The following CYP20A1 variants were observed in gnomAD, a reference collection of about 807,000 sequenced individuals.
CYP20A1 encodes cytochrome P450 20A1.
CYP20A1 carries 61 observed loss-of-function variants against 61.4 expected under a neutral mutation model. The ratio of observed to expected loss-of-function variants is 0.99; its 90% CI spans 0.81 to 1.23. The LOEUF (loss-of-function observed/expected upper bound fraction) is 1.23, where lower values mean the gene tolerates loss of function less well. Ranked by LOEUF, CYP20A1 falls within the 50% of genes most tolerant of loss-of-function variation. The probability of loss-of-function intolerance (pLI) is 0.00; values close to 1 mark genes in which losing one functional copy is unlikely to be tolerated. For missense variants in CYP20A1, 530 were observed against 542.4 expected, an observed-to-expected ratio of 0.98 and a Z score of 0.23; for synonymous variants, 193 against 188.2, an observed-to-expected ratio of 1.03 and a Z score of -0.21.
intron 1 of CYP20A1, among the ~76,000 whole-genome samples, chr2:203,239,460 A>C (rs1377209235): frequency 6.6e-6 from 1 of 152,108 alleles, no homozygotes; most frequent in Non-Finnish European, 1.5e-5. Flanking sequence ...GCTCTCAAGT[A>C]CTTTGGGCAG....
chr2:203,283,783 G>A (rs1477967631), intron 8 of CYP20A1, among the ~76,000 whole-genome samples: 1 of 151,804 alleles, frequency 6.6e-6, no homozygotes, highest in East Asian at 1.9e-4. Flanking sequence ...TCTTGACCTT[G>A]TGATCTGCCC....
chr2:203,280,096 G>A lies in CYP20A1; in HGVS notation c.833G>A (p.Cys278Tyr). The change falls in exon 8 of 13, where the codon TGC becomes TAC. Residue 278 changes from cysteine to tyrosine, a missense_variant. By Grantham distance (194) the Cys-to-Tyr change is radical. Coordinates refer to ENST00000356079, the MANE Select transcript of CYP20A1 (RefSeq NM_177538.3). ...EDSMIFSLAS[C>Y]IITAKLCTWA... ...AGTATGATATTTTCTCTGGCCAGTT[G>A]CATAATAACTGCAAAATGTAAGTAT... 1.9e-6 allele frequency: 3 copies of A among 1,606,110 alleles called. No individual in the cohort carries two copies. Among genetic ancestry groups the A allele is most frequent in the Non-Finnish European group, 1.7e-6 (2 of 1,176,576 alleles).
Position 203,272,086 on chromosome 2 carries a change from A to G in CYP20A1, c.601-584A>G, listed in dbSNP as rs76086847. Among the ~76,000 whole-genome samples the G allele has an allele frequency of 2.6e-5, 4 of 151,940 alleles. No individual in the cohort carries two copies. In the East Asian group the frequency reaches 7.7e-4, roughly 29 times the overall value. On this transcript the variant is annotated intron_variant, in intron 5 of 12. Transcript: ENST00000356079. ...CTGCTGTGTCCTTTTTCTTCTCCCT[A>G]CTCCTTTTAGAGAAAAGGAATTTTT... is the stretch of plus-strand genomic sequence containing the variant.
chr2:203,251,999 T>C lies in CYP20A1; in HGVS notation c.322T>C (p.Leu108=). The C allele has an allele frequency of 6.2e-7, 1 of 1,607,874 alleles. No individual in the cohort carries two copies. Among genetic ancestry groups the C allele is most frequent in the Non-Finnish European group, 8.5e-7 (1 of 1,176,664 alleles). The change falls in exon 4 of 13, where the codon TTA becomes CTA. Residue 108 remains leucine, a synonymous_variant. Coordinates refer to ENST00000356079, the MANE Select transcript of CYP20A1 (RefSeq NM_177538.3). ...DPFETMLKSL[L]RYQSGGGSVS... ...TTTTGAAACCATGCTGAAGTCATTA[T>C]TAAGGTATCAATCTGGTGGTGGCAG...
At chr2:203,295,930 A>T (rs953063926) in intron 11 of CYP20A1, among the ~76,000 whole-genome samples, 1 of 152,044 alleles carries the variant, frequency 6.6e-6, no homozygotes, top group Non-Finnish European at 1.5e-5. Context: ...GCCTGGTGAC[A>T]GAACAAGACT....
At chr2:203,247,163 A>C (rs548328476) in intron 3 of CYP20A1, among the ~76,000 whole-genome samples, 8 of 152,206 alleles carry the variant, frequency 5.3e-5, no homozygotes, top group East Asian at 3.9e-4. Context: ...TGGGAAGCTG[A>C]GGCATGAGAA....
Position 203,301,926 on chromosome 2 carries a change from T to G in CYP20A1, c.*5018T>G, listed in dbSNP as rs1258857090. Among the ~76,000 whole-genome samples the G allele has an allele frequency of 6.8e-6, 1 of 147,010 alleles. No homozygotes were observed. Among genetic ancestry groups the G allele is most frequent in the East Asian group, 2.0e-4 (1 of 5,042 alleles). On this transcript the variant is annotated 3_prime_UTR_variant, in exon 13 of 13. Transcript: ENST00000356079. Reference sequence around the variant, plus strand: ...CACTGTTAAGATTCTTTTTTTTTTTTTTTTTTTTTTGTTTTGAGACTGAGT... The same window carrying G: ...CACTGTTAAGATTCTTTTTTTTTTTGTTTTTTTTTTGTTTTGAGACTGAGT...
At chr2:203,273,009 G>T (rs2067670245) in intron 6 of CYP20A1, among the ~76,000 whole-genome samples, 1 of 152,000 alleles carries the variant, frequency 6.6e-6, no homozygotes, top group Admixed American at 6.6e-5. Flanking sequence ...ACCACGCCCA[G>T]CTAATTTTTG....
At chr2:203,266,922 A>G (rs1439956107) in intron 5 of CYP20A1, among the ~76,000 whole-genome samples, 2 of 152,174 alleles carry the variant, frequency 1.3e-5, no homozygotes, top group Non-Finnish European at 2.9e-5. Flanking sequence ...TGGAGGTCAC[A>G]GTGAGCCAAG....
chr2:203,266,036 A>G (rs2067310073), intron 4 of CYP20A1, among the ~76,000 whole-genome samples: 1 of 152,234 alleles, frequency 6.6e-6, no homozygotes, highest in African/African-American at 2.4e-5. Flanking sequence ...TTTATTCCAT[A>G]GGTATTTAAT....
chr2:203,285,556 A>G, intron 8 of CYP20A1, 56 bp from the exon 9 acceptor site: 3 of 1,460,178 alleles, frequency 2.1e-6, no homozygotes, highest in African/African-American at 2.9e-5. Flanking sequence ...TTCTTATTCT[A>G]TACCCAAGCC....
At chr2:203,256,157 G>A (rs917498233) in intron 4 of CYP20A1, among the ~76,000 whole-genome samples, 24 of 20,818 alleles carry the variant, frequency 1.2e-3, no homozygotes, top group African/African-American at 2.0e-3. Context: ...TTGTAAAGAC[G>A]TGTGTCTCAT....
In CYP20A1 at chr2:203,290,420, T is replaced by C. The variant is rs140489314; in HGVS notation, c.1083+544T>C. Among the ~76,000 whole-genome samples the C allele has an allele frequency of 5.3e-5, 8 of 152,328 alleles. No homozygotes were observed. In the East Asian group the frequency reaches 1.5e-3, roughly 29 times the overall value. On this transcript the variant is annotated intron_variant, in intron 10 of 12. Transcript: ENST00000356079. ...TTTAGTATGTATTTTTATAGACCTA[T>C]TTCTGTGTATGTATATTACTCTGTG...
chr2:203,240,010 C>T (rs887974130), intron 1 of CYP20A1, among the ~76,000 whole-genome samples: 14 of 152,084 alleles, frequency 9.2e-5, no homozygotes, highest in Non-Finnish European at 1.8e-4. Context: ...GCAGGAGAAT[C>T]GCTTGAACCT....
intron 6 of CYP20A1, among the ~76,000 whole-genome samples, chr2:203,274,515 A>G (rs1018450843): frequency 1.3e-5 from 2 of 152,048 alleles, no homozygotes; most frequent in African/African-American, 4.8e-5. Context: ...ACCTCAATTC[A>G]TTTTTTTGGA....
intron 5 of CYP20A1, among the ~76,000 whole-genome samples, chr2:203,269,894 G>A (rs1193508604): frequency 6.6e-6 from 1 of 152,178 alleles, no homozygotes; most frequent in East Asian, 1.9e-4. Context: ...CTCCCAAAGT[G>A]CTGGGATTAC....
In CYP20A1 at chr2:203,303,532, C is replaced by T. The variant is rs183626107; in HGVS notation, c.*6624C>T. Among the ~76,000 whole-genome samples, 4 of 151,634 alleles carry T rather than the reference C, an allele frequency of 2.6e-5. No homozygotes were observed. Among genetic ancestry groups the T allele is most frequent in the Non-Finnish European group, 5.9e-5 (4 of 67,910 alleles). ...CCAACGTGGTGAAACTCCATCTCTA[C>T]TAAAAATACCAAAAGTAGCGGGCGT... On this transcript the variant is annotated 3_prime_UTR_variant, in exon 13 of 13. Coordinates refer to ENST00000356079, the MANE Select transcript of CYP20A1 (RefSeq NM_177538.3).
chr2:203,248,885 C>G (rs942297912), intron 3 of CYP20A1, among the ~76,000 whole-genome samples: 1 of 152,018 alleles, frequency 6.6e-6, no homozygotes, highest in Non-Finnish European at 1.5e-5. Flanking sequence ...AATTTATTTA[C>G]TTTTTAGTGG....
intron 4 of CYP20A1, among the ~76,000 whole-genome samples, chr2:203,262,547 C>T (rs1258678182): frequency 2.0e-5 from 3 of 151,804 alleles, no homozygotes; most frequent in Admixed American, 6.6e-5. Context: ...CATTGGTTAA[C>T]TTGCTATTCT....
Sources: gnomAD v4.1 joint callset for allele counts (sites outside exome capture counted in the v4.1 genomes callset) on GRCh38, gnomAD v4.1.1 for gene constraint, MANE v1.5 for transcripts, NCBI Gene and HGNC (gene_info 2026-07-23, HGNC 2026-07-21) for gene names.